Variants in HERC3 observed in about 807,000 individuals in gnomAD.
The protein encoded by HERC3 is probable E3 ubiquitin-protein ligase HERC3.
In HERC3, 58 loss-of-function variants were observed where a neutral mutation model predicts 129.9. The observed-to-expected ratio is 0.45, with a 90% CI of 0.36 to 0.56. HERC3 has a LOEUF of 0.56. Ranked by LOEUF, HERC3 falls within the 20% of genes least tolerant of loss-of-function variation. The pLI is 0.00. For synonymous variants in HERC3, 430 were observed against 451.0 expected, an observed-to-expected ratio of 0.95 and a Z score of 0.59; for missense variants, 835 against 1,244.2, an observed-to-expected ratio of 0.67 and a Z score of 4.95.
chr4:88,600,683 C>G (rs556978369), intron 2 of HERC3, among the ~76,000 whole-genome samples: 178 of 152,316 alleles, frequency 1.2e-3, no homozygotes, highest in African/African-American at 3.3e-3. Flanking sequence ...TACTTTAGCT[C>G]TCTCCAGGGG....
chr4:88,535,386 T>C, the HERC3 span, among the ~76,000 whole-genome samples: 565 of 152,348 alleles, frequency 3.7e-3, 2 homozygotes, highest in Admixed American at 8.5e-3. Context: ...TATTTTAATG[T>C]AAAGATCTTA....
intron 23 of HERC3, 61 bp from the exon 24 acceptor site, chr4:88,704,037 G>A: frequency 6.9e-7 from 1 of 1,445,300 alleles, no homozygotes; most frequent in Non-Finnish European, 9.6e-7. Context: ...AGTGTAGAAG[G>A]GTAACTTCAT....
intron 9 of HERC3, chr4:88,657,243 A>G (rs886082548): frequency 2.6e-5 from 4 of 152,232 alleles, no homozygotes; most frequent in Non-Finnish European, 4.4e-5. Flanking sequence ...TTAGTACTGG[A>G]TTATAAGAAA....
At chr4:88,693,068 T>C in intron 23 of HERC3, 3 of 979,682 alleles carry the variant, frequency 3.1e-6, no homozygotes, top group Non-Finnish European at 3.6e-6. Flanking sequence ...TAAAATGCTA[T>C]TTCAGAGTAC....
At chr4:88,655,733 G>T (rs1409585859) in intron 8 of HERC3, 142 bp from the exon 9 acceptor site, 1 of 755,282 alleles carries the variant, frequency 1.3e-6, no homozygotes, top group Non-Finnish European at 2.2e-6. Context: ...AGCAGCCGCT[G>T]CAAGAAGAGT....
At chr4:88,633,231 G>A (rs1274818256) in intron 3 of HERC3, among the ~76,000 whole-genome samples, 1 of 152,192 alleles carries the variant, frequency 6.6e-6, no homozygotes, top group East Asian at 1.9e-4. Context: ...ATAGCAAAAT[G>A]AAGTTTTTCA....
chr4:88,616,670 TTTTGTTTGTTTG>T (rs370865583), intron 3 of HERC3, among the ~76,000 whole-genome samples: 2 of 152,120 alleles, frequency 1.3e-5, no homozygotes, highest in African/African-American at 2.4e-5. Context: ...TGATCTCTGT[TTTTGTTTGTTTG>T]TTTGTTTGTT....
At chr4:88,653,516 T>C (rs1729520072) in intron 6 of HERC3, among the ~76,000 whole-genome samples, 1 of 152,088 alleles carries the variant, frequency 6.6e-6, no homozygotes, top group South Asian at 2.1e-4. Context: ...AGAGAAGTCG[T>C]GTAGACCCAG....
chr4:88,626,963 A>G (rs1726169327), intron 3 of HERC3, among the ~76,000 whole-genome samples: 1 of 152,014 alleles, frequency 6.6e-6, no homozygotes, highest in Admixed American at 6.5e-5. Context: ...TATTGTTTCT[A>G]GTTTCTTAGT....
At chr4:88,691,229 G>A (rs1020592) in intron 23 of HERC3, among the ~76,000 whole-genome samples, 36,712 of 151,984 alleles carry the variant, frequency 0.24, 4,654 homozygotes, top group South Asian at 0.35. Flanking sequence ...TTTAGATTTC[G>A]GTTTTTCAGA....
At chr4:88,543,233 A>G in the HERC3 span, among the ~76,000 whole-genome samples, 1 of 152,352 alleles carries the variant, frequency 6.6e-6, no homozygotes, top group African/African-American at 2.4e-5. Context: ...AAGCAACTTC[A>G]GCAAAGTCTC....
the HERC3 span, among the ~76,000 whole-genome samples, chr4:88,554,198 T>C: frequency 6.6e-6 from 1 of 151,974 alleles, no homozygotes; most frequent in African/African-American, 2.4e-5. Context: ...ATACAAAAAT[T>C]AGCTGGGTGT....
chr4:88,594,634 T>C (rs1439436663), intron 1 of HERC3, among the ~76,000 whole-genome samples: 1 of 152,174 alleles, frequency 6.6e-6, no homozygotes, highest in East Asian at 1.9e-4. Context: ...CTCAGGCTGA[T>C]CTCCAACCCC....
chr4:88,670,219 C>T lies in HERC3; in HGVS notation c.1878C>T (p.Asp626=). 10 of 1,612,200 alleles carry T rather than the reference C, an allele frequency of 6.2e-6. No individual in the cohort carries two copies. The highest frequency in any genetic ancestry group is 7.6e-6 in the Non-Finnish European group (9 of 1,178,354). The change falls in exon 16 of 26, where the codon GAC becomes GAT. Residue 626 remains aspartate, a synonymous_variant. Transcript: ENST00000402738. ...CCAATCTCGTGGACATTCAGGAAGACTACCTCATGTGGTTCTTGCATCAAG... is the reference window on the plus strand; with the variant it reads ...CCAATCTCGTGGACATTCAGGAAGATTACCTCATGTGGTTCTTGCATCAAG... ...EISNLVDIQE[D]YLMWFLHQAG... is the part of the protein sequence containing the mutation.
At chr4:88,633,991 C>G (rs1344482000) in intron 3 of HERC3, among the ~76,000 whole-genome samples, 1 of 152,106 alleles carries the variant, frequency 6.6e-6, no homozygotes, top group African/African-American at 2.4e-5. Flanking sequence ...GGAAAAGATC[C>G]AAAACAGTGT....
chr4:88,655,686 C>T (rs1238943290), intron 8 of HERC3, among the ~76,000 whole-genome samples, 189 bp from the exon 9 acceptor site: 1 of 152,170 alleles, frequency 6.6e-6, no homozygotes, highest in Non-Finnish European at 1.5e-5. Flanking sequence ...TGCCACCCTC[C>T]TCATGATCTA....
upstream of HERC3, among the ~76,000 whole-genome samples, chr4:88,591,814 A>C (rs1721725278): frequency 6.6e-6 from 1 of 152,114 alleles, no homozygotes; most frequent in South Asian, 2.1e-4. Context: ...AGATTTTAAG[A>C]TCTGGTGCTC....
the HERC3 span, among the ~76,000 whole-genome samples, chr4:88,559,827 A>C: frequency 6.6e-6 from 1 of 152,162 alleles, no homozygotes; most frequent in African/African-American, 2.4e-5. Context: ...TGGGCCATAC[A>C]GTAGTTCTAT....
At chr4:88,578,602 G>C in the HERC3 span, among the ~76,000 whole-genome samples, 1 of 150,666 alleles carries the variant, frequency 6.6e-6, no homozygotes, top group African/African-American at 2.4e-5. Flanking sequence ...AAAAGAAATA[G>C]TCAGAATCTT....
Sources: gnomAD v4.1 joint callset for allele counts (sites outside exome capture counted in the v4.1 genomes callset) on GRCh38, gnomAD v4.1.1 for gene constraint, MANE v1.5 for transcripts, NCBI Gene and HGNC (gene_info 2026-07-23, HGNC 2026-07-21) for gene names.